ZAN: variants seen among roughly 807,000 people sequenced by gnomAD.
ZAN encodes zonadhesin, also known as zonadhesin (gene/pseudogene).
ZAN carries 260 observed loss-of-function variants against 286.2 expected under a neutral mutation model. The observed-to-expected ratio is 0.91, with a 90% CI of 0.82 to 1.01. The LOEUF is 1.01. Among genes scored for constraint, ZAN ranks in the 50% least tolerant of loss-of-function variants. The pLI, the probability that ZAN is intolerant of heterozygous loss-of-function variation, is 0.00. For missense variants in ZAN, 3,410 were observed against 3,639.2 expected, an observed-to-expected ratio of 0.94 and a Z score of 1.62; for synonymous variants, 1,368 against 1,417.5, an observed-to-expected ratio of 0.97 and a Z score of 0.79.
At position 100,746,701 on chromosome 7, in the gene ZAN, G is replaced by C; in HGVS notation, c.930G>C (p.Leu310Phe). 1.2e-6 allele frequency: 2 copies of C among 1,613,828 alleles called. No individual in the cohort carries two copies. Among genetic ancestry groups the C allele is most frequent in the South Asian group, 1.1e-5 (1 of 91,066 alleles). The change falls in exon 8 of 48, where the codon TTG (leucine) becomes TTC (phenylalanine). Residue 310 changes from leucine to phenylalanine, a missense_variant and splice_region_variant. Around this residue, in one of 7 missense-constraint regions of ZAN, gnomAD observed 872 missense variants for 938.9 expected, o/e 0.93. Coordinates refer to ENST00000613979, the MANE Select transcript of ZAN (RefSeq NM_003386.3). ...CCCTCCACATTTATGCTTCAGTCTT[G>C]GGTTAGAGCGGAGAATTAATGGGAT... ...GAALHIYASV[L>F]GSIRKHTLFS... is the part of the protein sequence containing the mutation.
In ZAN at chr7:100,783,803, CACATAT is replaced by C. The variant is rs1370019581; in HGVS notation, c.6623-818_6623-813del. The stretch of plus-strand genomic sequence containing the variant: ...ATATATACACATATATATATATACA[CACATAT>C]ATATATACATATATATATATGTATA... On this transcript the variant is annotated intron_variant, in intron 35 of 47. Transcript: ENST00000613979. Among the ~76,000 whole-genome samples the C allele has an allele frequency of 7.6e-5, 4 of 52,508 alleles. 1 individual carries two copies. The highest frequency in any genetic ancestry group is 1.4e-4 in the Non-Finnish European group (4 of 28,824). The allele number at this position is 52,508 out of a possible 152,430, so 34.4% of individuals were successfully genotyped here. A position where few individuals can be genotyped will look rare whatever the true frequency, so the allele number is the denominator to read the frequency against.
rs375213178 is a variant in ZAN at position 100,740,293 on chromosome 7, ATT to A, written c.766+1692_766+1693del. Among the ~76,000 whole-genome samples the A allele has an allele frequency of 2.7e-4, 32 of 119,436 alleles. 8 individuals carry two copies. The highest frequency in any genetic ancestry group is 1.1e-3 in the East Asian group (5 of 4,488). The allele number at this position is 119,436 out of a possible 152,430, so 78.4% of individuals were successfully genotyped here. A position where few individuals can be genotyped will look rare whatever the true frequency, so the allele number is the denominator to read the frequency against. On this transcript the variant is annotated intron_variant, in intron 7 of 47. Transcript: ENST00000613979. ...AGCAGTGACTTGATCTGACTTATTT[ATT>A]TTTTTTTTTTTAATTTATTTTTTTA... is the stretch of plus-strand genomic sequence containing the variant.
In ZAN at chr7:100,738,526, A is replaced by G. The variant is rs750283375; in HGVS notation, c.679A>G (p.Thr227Ala). The stretch of plus-strand genomic sequence containing the variant: ...CCTCTGTGACTGGACCTGGATCCCA[A>G]CTGCCTCCGGGGCCAAGTGGACTCA... The part of the protein sequence containing the change: ...NDLCDWTWIP[T>A]ASGAKWTQKK... Residue 227 changes from threonine (T) to alanine (A), a missense_variant, in exon 7 of 48, where the codon ACT becomes GCT. By Grantham distance (58) the Thr-to-Ala change is moderately conservative. Coordinates refer to ENST00000613979, the MANE Select transcript of ZAN (RefSeq NM_003386.3). 4 of 1,502,766 alleles carry G rather than the reference A, an allele frequency of 2.7e-6. No individual in the cohort carries two copies. The highest frequency in any genetic ancestry group is 3.6e-6 in the Non-Finnish European group (4 of 1,096,828). The allele number at this position is 1,502,766 out of a possible 1,614,324, so 93.1% of individuals were successfully genotyped here.
In ZAN at chr7:100,795,316, C is replaced by A; in HGVS notation, c.8246C>A (p.Ala2749Glu). ...GGGLCMEPRD[A>E]PPPRKPASNL... ...GGCCTGTGTATGGAGCCTCGAGATG[C>A]GCCACCTCCCAGAAAGCCAGGTGAG... is the stretch of plus-strand genomic sequence containing the variant. The change falls in exon 45 of 48, where the codon GCG becomes GAG. Residue 2749 changes from alanine (A) to glutamate (E), a missense_variant. Ala to Glu is a moderately radical substitution (Grantham distance 107). Transcript: ENST00000613979. 6.3e-7 allele frequency: 1 copy of A among 1,591,026 alleles called. No individual in the cohort carries two copies. The highest frequency in any genetic ancestry group is 8.6e-7 in the Non-Finnish European group (1 of 1,166,138).
rs1238533896 is a variant in ZAN, at chr7:100,773,875, C to T, written c.5779+10C>T. On this transcript the variant is annotated intron_variant, in intron 31 of 47. Transcript: ENST00000613979. ...CATTGTCGGGCCTCAGGTAGGAGGA[C>T]CACGGTGATGGGGGGACTCCACAGC... The T allele has an allele frequency of 1.3e-6, 2 of 1,596,766 alleles. No individual in the cohort carries two copies. The highest frequency in any genetic ancestry group is 1.7e-6 in the Non-Finnish European group (2 of 1,171,172).
chr7:100,797,486 A>T, intron 46 of ZAN, 21 bp downstream of exon 46: 1 of 1,610,734 alleles, frequency 6.2e-7, no homozygotes, highest in Non-Finnish European at 8.5e-7. Flanking sequence ...GGAAGGAGAG[A>T]GGAAGGGCGG....
In ZAN at chr7:100,779,733, G is replaced by A. The variant is rs1228066672; in HGVS notation, c.6605G>A (p.Arg2202Lys). The A allele has an allele frequency of 1.3e-6, 2 of 1,554,050 alleles. No individual in the cohort carries two copies. Among genetic ancestry groups the A allele is most frequent in the South Asian group, 1.2e-5 (1 of 84,330 alleles). The change falls in exon 35 of 48, where the codon AGA (arginine) becomes AAA (lysine). Residue 2202 changes from arginine to lysine, a missense_variant. Arg to Lys is a conservative substitution (Grantham distance 26). Around this residue, in one of 7 missense-constraint regions of ZAN, gnomAD observed 1,289 missense variants for 1,314.3 expected, o/e 0.98. Coordinates refer to ENST00000613979, the MANE Select transcript of ZAN (RefSeq NM_003386.3). Reference protein sequence around the residue: ...QSQGLKPPLWRNSSFCPLECP... With the variant: ...QSQGLKPPLWKNSSFCPLECP... ...CAGGGGCTCAAGCCCCCACTCTGGA[G>A]AAACAGCAGCTTCTGCCGTGAGTGT...
At chr7:100,734,956 C>T (rs565975761) in intron 2 of ZAN, among the ~76,000 whole-genome samples, 7 of 137,576 alleles carry the variant, frequency 5.1e-5, no homozygotes, top group South Asian at 2.3e-4. Context: ...GAGGCCGAGG[C>T]GGGCGGATCA....
At chr7:100,733,832 T>C (rs1251299502) in intron 1 of ZAN, among the ~76,000 whole-genome samples, 184 bp downstream of exon 1, 1 of 141,468 alleles carries the variant, frequency 7.1e-6, no homozygotes. Context: ...AAAATAATAA[T>C]TTCTTTTCCT....
chr7:100,736,861 C>A lies in ZAN; in HGVS notation c.306C>A (p.Ala102=). ...ESNSFHRGGV[A]RLLSPDLWEQ... ...ACAGCTTCCACCGTGGGGGAGTGGC[C>A]CGCCTGCTCAGCCCCGACCTATGGG... Residue 102 remains alanine, a synonymous_variant, in exon 5 of 48, where the codon GCC becomes GCA. Coordinates refer to ENST00000613979, the MANE Select transcript of ZAN (RefSeq NM_003386.3). The A allele has an allele frequency of 1.3e-6, 2 of 1,484,334 alleles. 1 individual carries two copies. The highest frequency in any genetic ancestry group is 1.8e-6 in the Non-Finnish European group (2 of 1,087,942). The allele number at this position is 1,484,334 out of a possible 1,614,324, so 91.9% of individuals were successfully genotyped here. A position where few individuals can be genotyped will look rare whatever the true frequency, so the allele number is the denominator to read the frequency against.
intron 31 of ZAN, 123 bp downstream of exon 31, chr7:100,773,988 C>G (rs1810584340): frequency 7.3e-7 from 1 of 1,371,632 alleles, no homozygotes; most frequent in Admixed American, 2.6e-5. Flanking sequence ...TCTGCTGCAA[C>G]CAAGAGCTTC....
At chr7:100,760,569 T>TTCTTCCTGCTGCC (rs552381487) in intron 19 of ZAN, 33 bp downstream of exon 19, 35 of 1,609,200 alleles carry the variant, frequency 2.2e-5, no homozygotes, top group Middle Eastern at 1.7e-4. Context: ...CAGCTGCCAC[T>TTCTTCCTGCTGCC]TCTTCCTGCT....
chr7:100,768,691 C>T lies in ZAN; in HGVS notation c.5123C>T (p.Ala1708Val). Residue 1708 changes from alanine to valine, a missense_variant, in exon 27 of 48, where the codon GCC (alanine) becomes GTC (valine). Coordinates refer to ENST00000613979, the MANE Select transcript of ZAN (RefSeq NM_003386.3). ...LAGDSMQLGA[A>V]WKLPESSEPG... is the part of the protein sequence containing the mutation. The stretch of plus-strand genomic sequence containing the variant: ...GGCGATTCCATGCAGCTGGGGGCCG[C>T]CTGGAAGTTACCTGAATCCTCTGAA... 6.2e-7 allele frequency: 1 copy of T among 1,605,950 alleles called. No homozygotes were observed. The highest frequency in any genetic ancestry group is 8.5e-7 in the Non-Finnish European group (1 of 1,176,356).
rs761221042 is a variant in ZAN, at chr7:100,758,658, C to T, written c.3571+8C>T. On this transcript the variant is annotated splice_region_variant and intron_variant, in intron 17 of 47. Coordinates refer to ENST00000613979, the MANE Select transcript of ZAN (RefSeq NM_003386.3). ...CCTGTGGCAACTCAACAGGTAGGCC[C>T]TGGAGATGCCACTGCGGCCTGGGGG... is the stretch of plus-strand genomic sequence containing the variant. 2.6e-6 allele frequency: 4 copies of T among 1,551,596 alleles called. No individual in the cohort carries two copies. Among genetic ancestry groups the T allele is most frequent in the Non-Finnish European group, 3.5e-6 (4 of 1,147,264 alleles).
rs1423655701 is a variant in ZAN, at chr7:100,734,178, C to T, written c.10C>T (p.Pro4Ser). 6.9e-7 allele frequency: 1 copy of T among 1,458,882 alleles called. No individual in the cohort carries two copies. Among genetic ancestry groups the T allele is most frequent in the Non-Finnish European group, 9.3e-7 (1 of 1,073,142 alleles). The allele number at this position is 1,458,882 out of a possible 1,614,324, so 90.4% of individuals were successfully genotyped here. ...ACCACTTAGGGTCCTCATGGTTCCT[C>T]CAGTCTGGACTCTGCTGCTTCTGGT... MVP[P>S]VWTLLLLVGA... is the part of the protein sequence containing the mutation. Residue 4 changes from proline to serine, a missense_variant, in exon 2 of 48, where the codon CCA becomes TCA. Pro to Ser is a moderately conservative substitution (Grantham distance 74). Coordinates refer to ENST00000613979, the MANE Select transcript of ZAN (RefSeq NM_003386.3).
chr7:100,787,792 C>T (rs994623179), intron 37 of ZAN, 97 bp from the exon 38 acceptor site: 1 of 1,306,322 alleles, frequency 7.7e-7, no homozygotes, highest in Non-Finnish European at 1.0e-6. Flanking sequence ...AAACTCCTGA[C>T]CTCAGGTCAT....
rs764314689 is a variant in ZAN, at chr7:100,768,646, G to C, written c.5078G>C (p.Arg1693Pro). The change falls in exon 27 of 48, where the codon CGC becomes CCC. Residue 1693 changes from arginine to proline, a missense_variant. By Grantham distance (103) the Arg-to-Pro change is moderately radical (BLOSUM62 -2). Coordinates refer to ENST00000613979, the MANE Select transcript of ZAN (RefSeq NM_003386.3). ...AACAACAGCTTGGATGACAACCTGC[G>C]CCCCGACAGAAAGCTTGCAGGCGAT... ...YNNNSLDDNL[R>P]PDRKLAGDSM... The C allele has an allele frequency of 6.2e-7, 1 of 1,610,886 alleles. No homozygotes were observed. The highest frequency in any genetic ancestry group is 8.5e-7 in the Non-Finnish European group (1 of 1,178,524).
Position 100,786,020 on chromosome 7 carries a change from C to A in ZAN, c.6858C>A (p.Ser2286Arg). The A allele has an allele frequency of 6.2e-7, 1 of 1,613,874 alleles. No individual in the cohort carries two copies. The highest frequency in any genetic ancestry group is 8.5e-7 in the Non-Finnish European group (1 of 1,179,882). ...SIPLGKSWVS[S>R]GCTEKCVCTG... ...AGCTGGGCAAGAGCTGGGTCTCCAG[C>A]GGTTGCACGGAGAAGTGTGTCTGCA... Residue 2286 changes from serine to arginine, a missense_variant, in exon 37 of 48, where the codon AGC becomes AGA. By Grantham distance (110) the Ser-to-Arg change is moderately radical. Coordinates refer to ENST00000613979, the MANE Select transcript of ZAN (RefSeq NM_003386.3).
At chr7:100,762,419 CTTTTTTTTTT>C (rs869138443) in intron 20 of ZAN, 61 bp downstream of exon 20, 17 of 1,019,218 alleles carry the variant, frequency 1.7e-5, no homozygotes, top group Admixed American at 5.1e-5. Context: ...CTGGAACTCT[CTTTTTTTTTT>C]TTTTTTTTTT....
Sources: gnomAD v4.1 joint callset for allele counts (sites outside exome capture counted in the v4.1 genomes callset) on GRCh38, gnomAD v4.1.1 for gene constraint, gnomAD v4.1.1 regional missense constraint, MANE v1.5 for transcripts, NCBI Gene and HGNC (gene_info 2026-07-23, HGNC 2026-07-21) for gene names.